PABPC1L: variants seen among roughly 807,000 people sequenced by gnomAD.
PABPC1L encodes the protein polyadenylate-binding protein 1-like.
Under a neutral mutation model 66.6 loss-of-function variants are expected in PABPC1L, and 31 were observed. The ratio of observed to expected loss-of-function variants is 0.47; its 90% CI spans 0.35 to 0.63. The LOEUF is 0.63. Among genes scored for constraint, PABPC1L ranks in the 20% least tolerant of loss-of-function variants. The probability of loss-of-function intolerance (pLI) is 0.00; values close to 1 mark genes in which losing one functional copy is unlikely to be tolerated. For synonymous variants in PABPC1L, 348 were observed against 335.1 expected (o/e 1.04, Z -0.42); for missense variants, 722 against 848.8 (o/e 0.85, Z 1.86).
chr20:44,924,093 C>T, intron 6 of PABPC1L, 68 bp from the exon 7 acceptor site: 2 of 1,333,994 alleles, frequency 1.5e-6, no homozygotes, highest in Admixed American at 1.7e-5. Flanking sequence ...CGTCAGTTCC[C>T]TGATCTCCCC....
intron 9 of PABPC1L, chr20:44,932,833 G>A (rs2066871669): frequency 1.8e-6 from 1 of 565,074 alleles, no homozygotes; most frequent in African/African-American, 1.9e-5. Context: ...ATGCAGTTTG[G>A]GGCTCTAGGT....
Position 44,935,447 on chromosome 20 carries a change from C to T in PABPC1L, c.1516C>T (p.Arg506Trp), listed in dbSNP as rs772962499. ...PSGVGCCTPG[R>W]PLLPCKCSSA... Reference sequence around the variant, plus strand: ...TGGGGTAGGATGCTGTACACCAGGCCGGCCGCTCCTGCCGTGCAAATGTTC... The same window carrying T: ...TGGGGTAGGATGCTGTACACCAGGCTGGCCGCTCCTGCCGTGCAAATGTTC... Residue 506 changes from arginine to tryptophan, a missense_variant, in exon 11 of 15, where the codon CGG becomes TGG. By Grantham distance (101) the Arg-to-Trp change is moderately radical. Around this residue, in one of 3 missense-constraint regions of PABPC1L, gnomAD observed 301 missense variants for 337.2 expected, o/e 0.89. Transcript: ENST00000217073. The T allele has an allele frequency of 1.5e-5, 24 of 1,614,152 alleles. No individual in the cohort carries two copies. In the East Asian group the frequency reaches 2.0e-4, roughly 13 times the overall value.
intron 6 of PABPC1L, among the ~76,000 whole-genome samples, 170 bp downstream of exon 6, chr20:44,921,901 A>C (rs79139934): frequency 0.01 from 1,559 of 152,276 alleles, 8 homozygotes; most frequent in Non-Finnish European, 0.015. Context: ...AACAGTGAGA[A>C]ACTGCGCACA....
chr20:44,939,153 C>T lies in PABPC1L; in HGVS notation c.*34C>T, dbSNP rs1312655884. ...AAGGAAATCCTCGCTTCCATGGCTG[C>T]CAAAAGGACAGTGTTTCTGGCTCTC... On this transcript the variant is annotated 3_prime_UTR_variant, in exon 15 of 15. Coordinates refer to ENST00000217073, the MANE Select transcript of PABPC1L (RefSeq NM_001372179.1). The T allele has an allele frequency of 1.4e-6, 1 of 718,060 alleles. No homozygotes were observed. The highest frequency in any genetic ancestry group is 2.7e-5 in the East Asian group (1 of 37,298). 44.5% of individuals were successfully genotyped at this position (718,060 alleles called of 1,614,324 possible). A position where few individuals can be genotyped will look rare whatever the true frequency, so the allele number is the denominator to read the frequency against.
At chr20:44,935,977 T>C (rs1473814748) in intron 11 of PABPC1L, among the ~76,000 whole-genome samples, 8 of 146,598 alleles carry the variant, frequency 5.5e-5, no homozygotes, top group Non-Finnish European at 1.2e-4. Context: ...AAAATGTCTA[T>C]TTTTTTTTTT....
chr20:44,936,787 G>C, intron 12 of PABPC1L, 57 bp downstream of exon 12: 1 of 1,528,380 alleles, frequency 6.5e-7, no homozygotes, highest in Non-Finnish European at 8.9e-7. Context: ...GAGCTGGCTA[G>C]CCTGCTGGGA....
Position 44,912,775 on chromosome 20 carries a change from C to A in PABPC1L, c.309C>A (p.Ile103=). 1 of 1,614,188 alleles carries A rather than the reference C, an allele frequency of 6.2e-7. No homozygotes were observed. The highest frequency in any genetic ancestry group is 8.5e-7 in the Non-Finnish European group (1 of 1,180,016). The part of the protein sequence containing the change: ...LRKSGVGNIF[I]KNLEDSIDNK... ...AGTCAGGTGTGGGCAACATCTTCAT[C>A]AAGAACCTGGAGGACTCCATTGACA... The change falls in exon 2 of 15, where the codon ATC becomes ATA. Residue 103 remains isoleucine (I), a synonymous_variant. Coordinates refer to ENST00000217073, the MANE Select transcript of PABPC1L (RefSeq NM_001372179.1).
At position 44,910,330 on chromosome 20, in the gene PABPC1L, G is replaced by T. The variant is rs1320478193; in HGVS notation, c.187G>T (p.Ala63Ser). ...CGCCTACATCAACTTCCAGCAGCCC[G>T]CGGACGGTGAGCCCCGGGGATGGGG... ...GYAYINFQQP[A>S]DAERALDTMN... The change falls in exon 1 of 15, where the codon GCG (alanine) becomes TCG (serine). Residue 63 changes from alanine (A) to serine (S), a missense_variant. Physicochemically the swap from Ala to Ser is moderately conservative, Grantham distance 99 (BLOSUM62 1). Coordinates refer to ENST00000217073, the MANE Select transcript of PABPC1L (RefSeq NM_001372179.1). The T allele has an allele frequency of 5.3e-6, 8 of 1,510,204 alleles. No individual in the cohort carries two copies. Among genetic ancestry groups the T allele is most frequent in the Non-Finnish European group, 7.1e-6 (8 of 1,121,606 alleles). The allele number at this position is 1,510,204 out of a possible 1,614,324, so 93.6% of individuals were successfully genotyped here.
chr20:44,935,977 T>A (rs1473814748), intron 11 of PABPC1L, among the ~76,000 whole-genome samples: 1 of 146,598 alleles, frequency 6.8e-6, no homozygotes, highest in East Asian at 2.0e-4. Context: ...AAAATGTCTA[T>A]TTTTTTTTTT....
intron 7 of PABPC1L, among the ~76,000 whole-genome samples, chr20:44,929,007 T>A (rs185969777): frequency 6.6e-6 from 1 of 151,146 alleles, no homozygotes; most frequent in Admixed American, 6.6e-5. Flanking sequence ...GTGTGGTGGC[T>A]CCTGCCTGTA....
chr20:44,921,725 T>A lies in PABPC1L; in HGVS notation c.870T>A (p.Arg290=), dbSNP rs538641711. The change falls in exon 6 of 15, where the codon CGT becomes CGA. Residue 290 remains arginine, a synonymous_variant. Transcript: ENST00000217073. ...AGATGAAGCAGGACCGGCTGAGGCG[T>A]TACCAGGTGAGGTCAGGCTTCCTGG... ...FEQMKQDRLR[R]YQGVNLYVKN... is the part of the protein sequence containing the mutation. 2 of 1,613,314 alleles carry A rather than the reference T, an allele frequency of 1.2e-6. No homozygotes were observed. The highest frequency in any genetic ancestry group is 1.7e-5 in the Admixed American group (1 of 59,906).
intron 1 of PABPC1L, among the ~76,000 whole-genome samples, chr20:44,912,118 A>G (rs959553026): frequency 6.6e-6 from 1 of 152,236 alleles, no homozygotes; most frequent in Non-Finnish European, 1.5e-5. Flanking sequence ...GTGGAAAAGT[A>G]GGTAATATTA....
At chr20:44,926,372 A>G (rs375072138) in intron 7 of PABPC1L, among the ~76,000 whole-genome samples, 2 of 149,642 alleles carry the variant, frequency 1.3e-5, no homozygotes, top group East Asian at 2.0e-4. Flanking sequence ...GATTACAGGC[A>G]CCTGCCACCA....
At chr20:44,937,540 G>C (rs1601128946) in intron 12 of PABPC1L, among the ~76,000 whole-genome samples, 1 of 152,052 alleles carries the variant, frequency 6.6e-6, no homozygotes, top group South Asian at 2.1e-4. Context: ...TCAGCCTTCT[G>C]AGTAGCTGGG....
chr20:44,938,232 G>T, intron 13 of PABPC1L, 41 bp downstream of exon 13: 1 of 1,600,826 alleles, frequency 6.2e-7, no homozygotes, highest in South Asian at 1.1e-5. Flanking sequence ...GAGGGGGCAG[G>T]AGGAGAGCTA....
chr20:44,912,624 A>G (rs2066712526), intron 1 of PABPC1L, 36 bp from the exon 2 acceptor site: 9 of 1,558,430 alleles, frequency 5.8e-6, no homozygotes, highest in Non-Finnish European at 7.9e-6. Context: ...AAAATTCCCT[A>G]AACTTGCTAA....
intron 6 of PABPC1L, among the ~76,000 whole-genome samples, chr20:44,923,138 A>G (rs1034734030): frequency 1.8e-4 from 28 of 152,222 alleles, no homozygotes; most frequent in African/African-American, 6.3e-4. Context: ...GAGAAAAGTC[A>G]AGGTGCTAGA....
chr20:44,910,283 C>T lies in PABPC1L; in HGVS notation c.140C>T (p.Ala47Val). Residue 47 changes from alanine to valine, a missense_variant, in exon 1 of 15, where the codon GCC (alanine) becomes GTC (valine). Ala to Val is a moderately conservative substitution (Grantham distance 64). Coordinates refer to ENST00000217073, the MANE Select transcript of PABPC1L (RefSeq NM_001372179.1). ...TCCATCCGCGTGTGCCGCGATGTAGCCACCCGGCGCTCGCTGGGCTACGCC... is the reference window on the plus strand; with the variant it reads ...TCCATCCGCGTGTGCCGCGATGTAGTCACCCGGCGCTCGCTGGGCTACGCC... Reference protein sequence around the residue: ...ILSIRVCRDVATRRSLGYAYI... With the variant: ...ILSIRVCRDVVTRRSLGYAYI... 6.5e-7 allele frequency: 1 copy of T among 1,550,324 alleles called. No individual in the cohort carries two copies. Among genetic ancestry groups the T allele is most frequent in the Non-Finnish European group, 8.7e-7 (1 of 1,146,256 alleles).
At chr20:44,936,590 C>T (rs1385259230) in intron 11 of PABPC1L, 47 bp from the exon 12 acceptor site, 1 of 1,459,274 alleles carries the variant, frequency 6.9e-7, no homozygotes, top group Admixed American at 2.2e-5. Context: ...ATTTTGAGGA[C>T]ATGCCTGTCC....
Sources: gnomAD v4.1 joint callset for allele counts (sites outside exome capture counted in the v4.1 genomes callset) on GRCh38, gnomAD v4.1.1 for gene constraint, gnomAD v4.1.1 regional missense constraint, MANE v1.5 for transcripts, NCBI Gene and HGNC (gene_info 2026-07-23, HGNC 2026-07-21) for gene names.